Variants in IMMP2L observed in about 807,000 individuals in gnomAD.
IMMP2L encodes the protein mitochondrial inner membrane protease subunit 2.
IMMP2L carries 18 observed loss-of-function variants against 19.3 expected under a neutral mutation model. That is an observed-to-expected ratio of 0.93 (90% CI 0.64 to 1.38). The LOEUF is 1.38. IMMP2L is among the 40% of genes most tolerant of loss of function. The pLI, the probability that IMMP2L is intolerant of heterozygous loss-of-function variation, is 0.00. For synonymous variants in IMMP2L, 76 were observed against 73.0 expected, an observed-to-expected ratio of 1.04 and a Z score of -0.21; for missense variants, 233 against 218.2, an observed-to-expected ratio of 1.07 and a Z score of -0.43.
Position 111,124,670 on chromosome 7 carries a change from T to G in IMMP2L, c.240-161105A>C, listed in dbSNP as rs756447602. The G allele has an allele frequency of 2.5e-6, 4 of 1,613,880 alleles. No homozygotes were observed. The highest frequency in any genetic ancestry group is 3.4e-6 in the Non-Finnish European group (4 of 1,179,902). On this transcript the variant is annotated intron_variant, in intron 3 of 5. Transcript: ENST00000405709. ...AATACCACAACACTTATGGCCTGTC[T>G]TGGAGGCCTTCTGGGGATTATTGGT...
chr7:110,928,968 A>C (rs575725271), intron 4 of IMMP2L, among the ~76,000 whole-genome samples: 1 of 152,070 alleles, frequency 6.6e-6, no homozygotes, highest in East Asian at 1.9e-4. Flanking sequence ...GCTCCCTTTC[A>C]ATATTATAAT....
At chr7:111,034,147 T>A (rs1275926134) in intron 3 of IMMP2L, among the ~76,000 whole-genome samples, 1 of 152,064 alleles carries the variant, frequency 6.6e-6, no homozygotes, top group African/African-American at 2.4e-5. Context: ...TAATGATGAT[T>A]AAAAATAAAG....
chr7:110,877,679 G>T lies in IMMP2L; in HGVS notation c.408+8914C>A, dbSNP rs573822524. On this transcript the variant is annotated intron_variant, in intron 5 of 5. Transcript: ENST00000405709. The surrounding 1 kb of genome is among the most constrained non-coding windows in gnomAD (Gnocchi z 4.0). ...GACTGCGCTTAGGCCTCGGCAAGAG[G>T]CACTACTTTTTTGGTGCCTGTGTTT... Among the ~76,000 whole-genome samples the T allele has an allele frequency of 6.6e-6, 1 of 152,140 alleles. No individual in the cohort carries two copies. Among genetic ancestry groups the T allele is most frequent in the African/African-American group, 2.4e-5 (1 of 41,526 alleles).
chr7:111,269,396 T>C (rs1174371337), intron 3 of IMMP2L, among the ~76,000 whole-genome samples: 1 of 152,208 alleles, frequency 6.6e-6, no homozygotes, highest in Non-Finnish European at 1.5e-5. Context: ...ATCAAGTATA[T>C]ATCATCTTGA....
At chr7:110,742,762 C>A (rs1797067669) in intron 5 of IMMP2L, among the ~76,000 whole-genome samples, 1 of 77,226 alleles carries the variant, frequency 1.3e-5, no homozygotes, top group Non-Finnish European at 2.6e-5. Flanking sequence ...GAGCTAAACT[C>A]CGTCTCAAAA....
intron 5 of IMMP2L, among the ~76,000 whole-genome samples, chr7:110,825,470 T>C (rs967805974): frequency 2.6e-5 from 4 of 152,128 alleles, no homozygotes; most frequent in Non-Finnish European, 5.9e-5. Context: ...AACAGCATGG[T>C]ACTGGTACCA....
intron 4 of IMMP2L, among the ~76,000 whole-genome samples, chr7:110,948,718 A>G (rs1411055460): frequency 1.3e-5 from 2 of 152,128 alleles, no homozygotes; most frequent in Non-Finnish European, 2.9e-5. Flanking sequence ...TTAGGTGCCA[A>G]TTTAACTGGA....
At chr7:111,411,865 TA>T in intron 3 of IMMP2L, 1 of 203,764 alleles carries the variant, frequency 4.9e-6, no homozygotes. Flanking sequence ...ATTTCCAGAG[TA>T]AGGTCACTGT....
At chr7:110,667,702 G>GT (rs1190098999) in intron 5 of IMMP2L, among the ~76,000 whole-genome samples, 7 of 152,218 alleles carry the variant, frequency 4.6e-5, no homozygotes, top group African/African-American at 1.7e-4. Context: ...CAGAAGGAAT[G>GT]CAGCCCTGCT....
At chr7:111,376,168 A>C (rs895453771) in intron 3 of IMMP2L, among the ~76,000 whole-genome samples, 4 of 152,136 alleles carry the variant, frequency 2.6e-5, no homozygotes, top group African/African-American at 9.7e-5. Flanking sequence ...CAAAATTATA[A>C]ACAATGAAGA....
At chr7:111,104,826 A>G (rs1313385409) in intron 3 of IMMP2L, among the ~76,000 whole-genome samples, 1 of 151,814 alleles carries the variant, frequency 6.6e-6, no homozygotes, top group Non-Finnish European at 1.5e-5. Flanking sequence ...GAAGCAGGGC[A>G]AAATCTATTT....
chr7:111,231,057 C>T (rs1018689514), intron 3 of IMMP2L, among the ~76,000 whole-genome samples: 2 of 96,424 alleles, frequency 2.1e-5, no homozygotes, highest in Admixed American at 1.0e-4. Context: ...TGTGTGTGTA[C>T]ATATAAACAA....
chr7:111,461,353 T>C (rs561098987), intron 3 of IMMP2L, among the ~76,000 whole-genome samples: 11 of 151,968 alleles, frequency 7.2e-5, no homozygotes, highest in Admixed American at 2.0e-4. Flanking sequence ...AAATAAAACA[T>C]TCAAACAAAA....
At chr7:110,747,649 A>G (rs1797440281) in intron 5 of IMMP2L, among the ~76,000 whole-genome samples, 1 of 152,226 alleles carries the variant, frequency 6.6e-6, no homozygotes, top group African/African-American at 2.4e-5. Flanking sequence ...GACAAAAACC[A>G]CATGATTATA....
In IMMP2L at chr7:110,687,943, C is replaced by A. The variant is rs148564686; in HGVS notation, c.409-24222G>T. Among the ~76,000 whole-genome samples the A allele has an allele frequency of 3.2e-3, 485 of 151,964 alleles. 2 individuals are homozygous for A. The highest frequency in any genetic ancestry group is 0.011 in the African/African-American group (464 of 41,476). ...GCATAATACTTAACTGGCCTGGTAG[C>A]TTTTGCTCTTTGGCTCTTGGAAAAG... On this transcript the variant is annotated intron_variant, in intron 5 of 5. Transcript: ENST00000405709.
intron 4 of IMMP2L, among the ~76,000 whole-genome samples, chr7:110,932,333 G>A (rs1815584461): frequency 6.6e-6 from 1 of 152,040 alleles, no homozygotes; most frequent in African/African-American, 2.4e-5. Context: ...CTTTCCTAGT[G>A]TGTATTTATT....
At chr7:111,304,159 T>C (rs967837447) in intron 3 of IMMP2L, among the ~76,000 whole-genome samples, 2 of 152,114 alleles carry the variant, frequency 1.3e-5, no homozygotes, top group African/African-American at 4.8e-5. Context: ...TCAAAGCTTG[T>C]GTGAATTATT....
chr7:110,720,651 T>C (rs1168456710), intron 5 of IMMP2L, among the ~76,000 whole-genome samples: 1 of 152,214 alleles, frequency 6.6e-6, no homozygotes, highest in African/African-American at 2.4e-5. Context: ...CTGGGGAATA[T>C]GATACTGGCT....
In IMMP2L at chr7:111,172,166, T is replaced by C. The variant is rs186890429; in HGVS notation, c.240-208601A>G. 2.0e-3 allele frequency among the ~76,000 whole-genome samples: 298 copies of C among 151,626 alleles called. 2 individuals are homozygous for C. Among genetic ancestry groups the C allele is most frequent in the African/African-American group, 6.9e-3 (288 of 41,474 alleles). Reference sequence around the variant, plus strand: ...GTTGCTAAACCTGTTTGCTAAATGGTATAAAATATAAGGGACTTTCATAAT... The same window carrying C: ...GTTGCTAAACCTGTTTGCTAAATGGCATAAAATATAAGGGACTTTCATAAT... On this transcript the variant is annotated intron_variant, in intron 3 of 5. Transcript: ENST00000405709.
Sources: gnomAD v4.1 joint callset for allele counts (sites outside exome capture counted in the v4.1 genomes callset) on GRCh38, gnomAD v4.1.1 for gene constraint, Gnocchi (gnomAD v3.1) non-coding constraint, MANE v1.5 for transcripts, NCBI Gene and HGNC (gene_info 2026-07-23, HGNC 2026-07-21) for gene names.